Variants in CACNA1C observed in about 807,000 individuals in gnomAD.
CACNA1C encodes voltage-dependent L-type calcium channel subunit alpha-1C.
Under a neutral mutation model 229.0 loss-of-function variants are expected in CACNA1C, and 30 were observed. The observed-to-expected ratio is 0.13, with a 90% CI of 0.10 to 0.18. The LOEUF is 0.18. Among genes scored for constraint, CACNA1C ranks in the 10% least tolerant of loss-of-function variants. The pLI, the probability that CACNA1C is intolerant of heterozygous loss-of-function variation, is 1.00. For missense variants in CACNA1C, 1,658 were observed against 2,845.0 expected, an observed-to-expected ratio of 0.58 and a Z score of 9.49; for synonymous variants, 1,114 against 1,132.5, an observed-to-expected ratio of 0.98 and a Z score of 0.33.
intron 3 of CACNA1C, among the ~76,000 whole-genome samples, chr12:2,148,590 C>T (rs2094939510): frequency 6.6e-6 from 1 of 151,270 alleles, no homozygotes. Context: ...CTCTGTCTCC[C>T]AGGCTGGAGG....
chr12:2,351,881 G>A (rs1206489646), intron 3 of CACNA1C, among the ~76,000 whole-genome samples: 1 of 152,168 alleles, frequency 6.6e-6, no homozygotes. Context: ...ACAAGGAGAC[G>A]GGAGCAAGGA....
At chr12:2,645,971 C>T (rs140526142) in intron 30 of CACNA1C, among the ~76,000 whole-genome samples, 2 of 152,304 alleles carry the variant, frequency 1.3e-5, no homozygotes, top group African/African-American at 4.8e-5. Flanking sequence ...CATCTCAGAG[C>T]GTCCTCATTC....
intron 3 of CACNA1C, among the ~76,000 whole-genome samples, chr12:2,339,409 G>C (rs1406116064): frequency 6.6e-6 from 1 of 152,224 alleles, no homozygotes; most frequent in African/African-American, 2.4e-5. Flanking sequence ...TTTATTAACA[G>C]TGGACTTAGG....
At chr12:2,282,597 A>G (rs1193962772) in intron 3 of CACNA1C, among the ~76,000 whole-genome samples, 6 of 152,202 alleles carry the variant, frequency 3.9e-5, no homozygotes, top group Non-Finnish European at 4.4e-5. Context: ...TCATGGGATC[A>G]GAGTCAGCTG....
intron 1 of CACNA1C, among the ~76,000 whole-genome samples, chr12:2,103,023 T>C (rs2076992806): frequency 6.6e-6 from 1 of 152,250 alleles, no homozygotes; most frequent in Non-Finnish European, 1.5e-5. Flanking sequence ...TTTGCTATTG[T>C]GAACGGTGCC....
At chr12:2,473,846 G>GATT (rs2099605580) in intron 5 of CACNA1C, among the ~76,000 whole-genome samples, 1 of 152,210 alleles carries the variant, frequency 6.6e-6, no homozygotes, top group African/African-American at 2.4e-5. Flanking sequence ...ATGCAATAGT[G>GATT]ATTTGAGCCA....
chr12:2,318,737 G>A (rs962611039), intron 3 of CACNA1C, among the ~76,000 whole-genome samples: 1 of 152,138 alleles, frequency 6.6e-6, no homozygotes, highest in African/African-American at 2.4e-5. Flanking sequence ...GAAAGAGAAT[G>A]GAGGGAGAGA....
intron 3 of CACNA1C, among the ~76,000 whole-genome samples, chr12:2,363,299 T>C (rs149525694): frequency 1.0e-3 from 157 of 152,324 alleles, no homozygotes; most frequent in Middle Eastern, 3.4e-3. Context: ...TCTCATAATA[T>C]ACTGAGGAGG....
chr12:2,127,959 T>C (rs957641335), intron 3 of CACNA1C, among the ~76,000 whole-genome samples: 2 of 152,362 alleles, frequency 1.3e-5, no homozygotes, highest in African/African-American at 4.8e-5. Flanking sequence ...CTGTAAATTA[T>C]GCTTTCTATT....
rs183195638 is a variant in CACNA1C at position 2,595,059 on chromosome 12, C to T, written c.2664-815C>T. Among the ~76,000 whole-genome samples the T allele has an allele frequency of 2.6e-5, 4 of 152,214 alleles. No individual in the cohort carries two copies. The highest frequency in any genetic ancestry group is 4.4e-5 in the Non-Finnish European group (3 of 68,044). On this transcript the variant is annotated intron_variant, in intron 19 of 46. Coordinates refer to ENST00000399655, the MANE Select transcript of CACNA1C (RefSeq NM_000719.7). This position sits in a 1 kb window ranked among gnomAD's most constrained non-coding sequence, Gnocchi z 4.1. The stretch of plus-strand genomic sequence containing the variant: ...GATGATTCTTACAGCCATCTCCTAA[C>T]TCTTATAAACCAGAATTGTCTGAGA...
At chr12:2,491,482 G>A (rs2099732586) in intron 6 of CACNA1C, among the ~76,000 whole-genome samples, 1 of 150,234 alleles carries the variant, frequency 6.7e-6, no homozygotes, top group Non-Finnish European at 1.5e-5. Context: ...AGAGGAGGAA[G>A]AGGAAATGAA....
chr12:2,628,514 C>T (rs1371697661), intron 29 of CACNA1C, among the ~76,000 whole-genome samples: 1 of 152,152 alleles, frequency 6.6e-6, no homozygotes. Flanking sequence ...CTCCTTCCTC[C>T]TTTCACACAC....
intron 1 of CACNA1C, among the ~76,000 whole-genome samples, chr12:2,038,825 C>A (rs2049592341): frequency 6.6e-6 from 1 of 152,028 alleles, no homozygotes; most frequent in Admixed American, 6.6e-5. Context: ...CAAGTCACTT[C>A]CTAGCAATTC....
chr12:2,034,876 G>A lies in CACNA1C; in HGVS notation c.139+63675G>A, dbSNP rs772160059. 6.6e-6 allele frequency among the ~76,000 whole-genome samples: 1 copy of A among 152,200 alleles called. No homozygotes were observed. Among genetic ancestry groups the A allele is most frequent in the Admixed American group, 6.5e-5 (1 of 15,288 alleles). On this transcript the variant is annotated intron_variant, in intron 1 of 46. Transcript: ENST00000682462. The surrounding 1 kb of genome is among the most constrained non-coding windows in gnomAD (Gnocchi z 4.1). The stretch of plus-strand genomic sequence containing the variant: ...TCATTCTGTGTGTAAATATAATTAG[G>A]AAAGTACAGGATGCTATGGGACACC...
chr12:2,280,841 T>C (rs1178169745), intron 3 of CACNA1C, among the ~76,000 whole-genome samples: 1 of 152,262 alleles, frequency 6.6e-6, no homozygotes, highest in African/African-American at 2.4e-5. Context: ...TTTCCCTCTT[T>C]TTCTGCCTCC....
intron 1 of CACNA1C, among the ~76,000 whole-genome samples, chr12:1,975,862 G>A (rs561175612): frequency 2.0e-5 from 3 of 152,136 alleles, no homozygotes; most frequent in Admixed American, 6.5e-5. Flanking sequence ...GGTTCTCTCC[G>A]TGAGTCCCCT....
chr12:2,162,662 C>T (rs771800477), intron 3 of CACNA1C, among the ~76,000 whole-genome samples: 1 of 151,778 alleles, frequency 6.6e-6, no homozygotes, highest in Non-Finnish European at 1.5e-5. Context: ...GAACAGTAGG[C>T]CTGGGGGAGA....
At chr12:2,385,916 G>A (rs1007718840) in intron 3 of CACNA1C, among the ~76,000 whole-genome samples, 4 of 152,304 alleles carry the variant, frequency 2.6e-5, no homozygotes, top group East Asian at 1.9e-4. Context: ...ACTCAGGAGA[G>A]GCCATCGCTT....
At chr12:2,241,202 C>A (rs1049755699) in intron 3 of CACNA1C, among the ~76,000 whole-genome samples, 1 of 152,098 alleles carries the variant, frequency 6.6e-6, no homozygotes. Flanking sequence ...ACTGCAGCCC[C>A]GCTATGTCCC....
Sources: allele counts gnomAD v4.1 joint callset (sites outside exome capture counted in the v4.1 genomes callset), GRCh38; gene constraint gnomAD v4.1.1; non-coding constraint Gnocchi (gnomAD v3.1); transcripts MANE v1.5; gene names NCBI Gene and HGNC (gene_info 2026-07-23, HGNC 2026-07-21).